The following PTPRD variants were observed in gnomAD, a reference collection of about 807,000 sequenced individuals.
PTPRD encodes the protein receptor-type tyrosine-protein phosphatase delta.
PTPRD carries 34 observed loss-of-function variants against 214.5 expected under a neutral mutation model. The observed-to-expected ratio is 0.16, with a 90% CI of 0.12 to 0.21. PTPRD has a LOEUF of 0.21. Among genes scored for constraint, PTPRD ranks in the 10% least tolerant of loss-of-function variants. The pLI, the probability that PTPRD is intolerant of heterozygous loss-of-function variation, is 1.00. For missense variants in PTPRD, 2,545 were observed against 2,398.7 expected (o/e 1.06, Z -1.27); for synonymous variants, 1,128 against 845.7 (o/e 1.33, Z -5.79).
chr9:9,156,681 T>G (rs1401244169), intron 10 of PTPRD, among the ~76,000 whole-genome samples: 1 of 152,094 alleles, frequency 6.6e-6, no homozygotes, highest in African/African-American at 2.4e-5. Context: ...AATCAGGTAT[T>G]CCAGATTAGA....
chr9:8,433,263 T>G (rs2132303666), intron 35 of PTPRD, among the ~76,000 whole-genome samples: 1 of 152,366 alleles, frequency 6.6e-6, no homozygotes, highest in South Asian at 2.1e-4. Context: ...GTAATTAAAC[T>G]TATTCTGCTA....
In PTPRD at chr9:8,507,145, G is replaced by T. The variant is rs369466405; in HGVS notation, c.1677+156C>A. 1.4e-4 allele frequency among the ~76,000 whole-genome samples: 22 copies of T among 152,116 alleles called. 1 individual carries two copies. Among genetic ancestry groups the T allele is most frequent in the East Asian group, 9.7e-4 (5 of 5,160 alleles). ...GTTGTTGTTTTGGGGTTTTTCTTGG[G>T]GGGGAGGGGGAGTCAAGTTCCTCTT... On this transcript the variant is annotated intron_variant, in intron 22 of 45. Coordinates refer to ENST00000381196, the MANE Select transcript of PTPRD (RefSeq NM_002839.4).
chr9:9,905,833 A>G (rs2077438627), intron 5 of PTPRD, among the ~76,000 whole-genome samples: 1 of 152,048 alleles, frequency 6.6e-6, no homozygotes, highest in African/African-American at 2.4e-5. Context: ...AGAGAGAACT[A>G]AACAGAACAT....
intron 5 of PTPRD, among the ~76,000 whole-genome samples, chr9:9,933,089 G>A (rs1415737276): frequency 6.6e-6 from 1 of 152,018 alleles, no homozygotes; most frequent in Non-Finnish European, 1.5e-5. Context: ...GCTAAACATG[G>A]AAAGGAACAA....
intron 40 of PTPRD, 69 bp from the exon 41 acceptor site, chr9:8,341,337 G>C: frequency 3.5e-6 from 5 of 1,447,172 alleles, no homozygotes; most frequent in Non-Finnish European, 4.6e-6. Context: ...TTTGAATGCA[G>C]TGTACCCCAG....
chr9:8,942,355 G>A (rs1328140537), intron 11 of PTPRD, among the ~76,000 whole-genome samples: 1 of 152,148 alleles, frequency 6.6e-6, no homozygotes. Flanking sequence ...CAGTTCCACT[G>A]CTTCCCGTTT....
chr9:9,086,825 G>A (rs1284421337), intron 10 of PTPRD, among the ~76,000 whole-genome samples: 1 of 152,236 alleles, frequency 6.6e-6, no homozygotes, highest in African/African-American at 2.4e-5. Flanking sequence ...GACTTCTGGG[G>A]AATTGGGCCA....
At chr9:10,168,674 T>G (rs1291539349) in intron 3 of PTPRD, among the ~76,000 whole-genome samples, 2 of 152,222 alleles carry the variant, frequency 1.3e-5, no homozygotes, top group African/African-American at 2.4e-5. Context: ...AAAAAAGTAT[T>G]TATTAAAAGA....
chr9:10,248,533 A>AAAAAAAAAAAAAAAAAAAAAAAAAAC (rs60272481), intron 3 of PTPRD, among the ~76,000 whole-genome samples: 3 of 127,444 alleles, frequency 2.4e-5, no homozygotes, highest in South Asian at 2.5e-4. Flanking sequence ...AAAATAAAAA[A>AAAAAAAAAAAAAAAAAAAAAAAAAAC]AATAAAGCGA....
chr9:10,410,096 A>G (rs1025255208), intron 2 of PTPRD, among the ~76,000 whole-genome samples: 2 of 151,410 alleles, frequency 1.3e-5, no homozygotes, highest in Admixed American at 6.6e-5. Context: ...TAAATATAAT[A>G]TATCAATGGA....
intron 5 of PTPRD, among the ~76,000 whole-genome samples, chr9:9,836,428 CAG>C (rs1213997284): frequency 1.3e-5 from 2 of 152,124 alleles, no homozygotes; most frequent in Non-Finnish European, 2.9e-5. Flanking sequence ...GTAGCAGTAA[CAG>C]AGATTAATGC....
intron 2 of PTPRD, among the ~76,000 whole-genome samples, chr9:10,593,336 G>T (rs112136043): frequency 0.039 from 5,995 of 152,048 alleles, 374 homozygotes; most frequent in African/African-American, 0.13. Context: ...AGTAATAAAT[G>T]TATACAGCAC....
rs2095787193 is a variant in PTPRD at position 10,299,183 on chromosome 9, T to C, written c.-545+41780A>G. Among the ~76,000 whole-genome samples the C allele has an allele frequency of 1.3e-5, 2 of 152,194 alleles. 1 individual carries two copies. Among genetic ancestry groups the C allele is most frequent in the South Asian group, 4.1e-4 (2 of 4,830 alleles). On this transcript the variant is annotated intron_variant, in intron 3 of 45. Coordinates refer to ENST00000381196, the MANE Select transcript of PTPRD (RefSeq NM_002839.4). Reference sequence around the variant, plus strand: ...TCACATTTTAAAATCTATTTTTACATAGTAATTTCACACTCAATATTGGGT... The same window carrying C: ...TCACATTTTAAAATCTATTTTTACACAGTAATTTCACACTCAATATTGGGT...
intron 8 of PTPRD, among the ~76,000 whole-genome samples, chr9:9,446,205 T>C (rs1039626603): frequency 6.6e-6 from 1 of 152,110 alleles, no homozygotes; most frequent in African/African-American, 2.4e-5. Flanking sequence ...AAGACTACAC[T>C]TAAGAAATTC....
intron 5 of PTPRD, among the ~76,000 whole-genome samples, chr9:9,904,884 G>C (rs1255070189): frequency 6.6e-6 from 1 of 152,010 alleles, no homozygotes; most frequent in Non-Finnish European, 1.5e-5. Context: ...TAACGAAGTG[G>C]GGATTTAATT....
intron 21 of PTPRD, among the ~76,000 whole-genome samples, chr9:8,515,308 C>T (rs2097764158): frequency 6.6e-6 from 1 of 152,152 alleles, no homozygotes. Flanking sequence ...ATGCAAAGTT[C>T]ATAGTATAGT....
At chr9:9,991,291 T>C (rs1021210587) in intron 4 of PTPRD, among the ~76,000 whole-genome samples, 1 of 151,742 alleles carries the variant, frequency 6.6e-6, no homozygotes, top group Non-Finnish European at 1.5e-5. Context: ...AGAACACAAA[T>C]AGCACTAACT....
intron 2 of PTPRD, among the ~76,000 whole-genome samples, chr9:10,496,320 T>G (rs1474063231): frequency 6.6e-6 from 1 of 151,914 alleles, no homozygotes; most frequent in Non-Finnish European, 1.5e-5. Flanking sequence ...CTACTAACAC[T>G]CTGGCATTTT....
At chr9:9,940,127 C>A (rs761483095) in intron 4 of PTPRD, among the ~76,000 whole-genome samples, 1 of 152,124 alleles carries the variant, frequency 6.6e-6, no homozygotes, top group Non-Finnish European at 1.5e-5. Context: ...TTGATACCAT[C>A]TCTAGACTTG....
Sources: gnomAD v4.1 joint callset for allele counts (sites outside exome capture counted in the v4.1 genomes callset) on GRCh38, gnomAD v4.1.1 for gene constraint, MANE v1.5 for transcripts, NCBI Gene and HGNC (gene_info 2026-07-23, HGNC 2026-07-21) for gene names.